SAR1B: variants seen among roughly 807,000 people sequenced by gnomAD.
SAR1B encodes the protein small COPII coat GTPase SAR1B.
Under a neutral mutation model 26.8 loss-of-function variants are expected in SAR1B, and 23 were observed. The ratio of observed to expected loss-of-function variants is 0.86; its 90% CI spans 0.62 to 1.22. SAR1B has a LOEUF of 1.22. Among genes scored for constraint, SAR1B ranks in the 50% most tolerant of loss-of-function variants. The pLI, the probability that SAR1B is intolerant of heterozygous loss-of-function variation, is 0.00. For missense variants in SAR1B, 196 were observed against 232.8 expected (o/e 0.84, Z 1.03); for synonymous variants, 65 against 80.8 (o/e 0.80, Z 1.05).
At chr5:134,617,112 G>C in intron 3 of SAR1B, among the ~76,000 whole-genome samples, 1 of 152,024 alleles carries the variant, frequency 6.6e-6, no homozygotes, top group African/African-American at 2.4e-5. Flanking sequence ...TGTGCCTGTA[G>C]TTCGAGCTAC....
chr5:134,621,388 G>A (rs943161802), intron 2 of SAR1B, among the ~76,000 whole-genome samples: 1 of 151,962 alleles, frequency 6.6e-6, no homozygotes, highest in Non-Finnish European at 1.5e-5. Flanking sequence ...GAGAATCACT[G>A]GAACCCAGGA....
At position 134,626,248 on chromosome 5, in the gene SAR1B, G is replaced by A. The variant is rs1025329242; in HGVS notation, c.-18-2211C>T. Among the ~76,000 whole-genome samples, 27 of 124,878 alleles carry A rather than the reference G, an allele frequency of 2.2e-4. 1 individual carries two copies. In the South Asian group the frequency reaches 5.4e-3, roughly 25 times the overall value. The allele number at this position is 124,878 out of a possible 152,430, so 81.9% of individuals were successfully genotyped here. A position where few individuals can be genotyped will look rare whatever the true frequency, so the allele number is the denominator to read the frequency against. The stretch of plus-strand genomic sequence containing the variant: ...CAGGAGGCAGAGGTTGCACTGAGCC[G>A]AGATCGAGCCACTGCACCACAGCCT... On this transcript the variant is annotated intron_variant, in intron 1 of 6. Coordinates refer to ENST00000402673, the MANE Select transcript of SAR1B (RefSeq NM_016103.4).
intron 3 of SAR1B, among the ~76,000 whole-genome samples, chr5:134,616,531 T>C (rs1386329695): frequency 6.6e-6 from 1 of 152,022 alleles, no homozygotes; most frequent in Non-Finnish European, 1.5e-5. Flanking sequence ...TCACTGTTCA[T>C]AAGGAAAAGA....
At chr5:134,610,806 A>C (rs1472983501) in intron 4 of SAR1B, among the ~76,000 whole-genome samples, 1 of 152,076 alleles carries the variant, frequency 6.6e-6, no homozygotes, top group African/African-American at 2.4e-5. Flanking sequence ...TTAATAATTA[A>C]CTGAAGTCTA....
chr5:134,624,295 G>T (rs940611559), intron 1 of SAR1B, among the ~76,000 whole-genome samples: 2 of 152,128 alleles, frequency 1.3e-5, no homozygotes, highest in African/African-American at 4.8e-5. Flanking sequence ...TGTAATCCCA[G>T]CTACTCAGGA....
intron 3 of SAR1B, among the ~76,000 whole-genome samples, chr5:134,615,073 G>C (rs1765284910): frequency 6.6e-6 from 1 of 152,196 alleles, no homozygotes; most frequent in African/African-American, 2.4e-5. Context: ...TGGGGGCCGG[G>C]CGCGGTGGCT....
chr5:134,620,898 A>G (rs1159738403), intron 3 of SAR1B, 35 bp downstream of exon 3: 1 of 1,612,042 alleles, frequency 6.2e-7, no homozygotes, highest in Non-Finnish European at 8.5e-7. Flanking sequence ...GCATCATTTG[A>G]TCAAGTATCA....
At chr5:134,609,055 T>C (rs1176942236) in intron 5 of SAR1B, 12 of 456,284 alleles carry the variant, frequency 2.6e-5, no homozygotes, top group Admixed American at 2.4e-4. Context: ...AATCAAATCA[T>C]GGACCTGCTT....
Position 134,603,274 on chromosome 5 carries a change from G to A in SAR1B, c.*3676C>T, listed in dbSNP as rs918422287. 1 of 152,188 alleles carries A rather than the reference G, an allele frequency of 6.6e-6. No individual in the cohort carries two copies. The highest frequency in any genetic ancestry group is 1.5e-5 in the Non-Finnish European group (1 of 68,042). 9.4% of individuals were successfully genotyped at this position (152,188 alleles called of 1,614,324 possible). On this transcript the variant is annotated 3_prime_UTR_variant, in exon 7 of 7. Coordinates refer to ENST00000402673, the MANE Select transcript of SAR1B (RefSeq NM_016103.4). Reference sequence around the variant, plus strand: ...ACTAACAAGACTGAAATACCACATTGAGTCACATACCAAATACAGTTTCAG... The same window carrying A: ...ACTAACAAGACTGAAATACCACATTAAGTCACATACCAAATACAGTTTCAG...
chr5:134,612,677 A>AAAAAAAAAAAAAAAAAAAAT lies in SAR1B; in HGVS notation c.244+13_244+14insATTTTTTTTTTTTTTTTTTT, dbSNP rs1765237131. On this transcript the variant is annotated intron_variant, in intron 4 of 6. Transcript: ENST00000402673. ...AAAAAAAAAAAAAAAAAAAAAAAAAAAAAAGAATCTTACCTTGAACATGTC... is the reference window on the plus strand; with the variant it reads ...AAAAAAAAAAAAAAAAAAAAAAAAAAAAAAAAAAAAAAAAAAAAATAAAAGAATCTTACCTTGAACATGTC... The AAAAAAAAAAAAAAAAAAAAT allele has an allele frequency of 9.5e-7, 1 of 1,055,542 alleles. No individual in the cohort carries two copies. The highest frequency in any genetic ancestry group is 1.3e-6 in the Non-Finnish European group (1 of 762,974). The allele number at this position is 1,055,542 out of a possible 1,614,324, so 65.4% of individuals were successfully genotyped here. A position where few individuals can be genotyped will look rare whatever the true frequency, so the allele number is the denominator to read the frequency against.
chr5:134,630,119 G>A (rs1013591434), intron 1 of SAR1B, among the ~76,000 whole-genome samples: 3 of 151,676 alleles, frequency 2.0e-5, no homozygotes, highest in Middle Eastern at 3.2e-3. Context: ...TAAAGTGAGC[G>A]AGCGTAGAAA....
chr5:134,627,371 A>G (rs1561789914), intron 1 of SAR1B, among the ~76,000 whole-genome samples: 1 of 150,690 alleles, frequency 6.6e-6, no homozygotes, highest in Non-Finnish European at 1.5e-5. Context: ...TTTTTGACAG[A>G]GTCTCCCTCT....
At chr5:134,621,482 AT>A (rs1201400841) in intron 2 of SAR1B, among the ~76,000 whole-genome samples, 1 of 10,500 alleles carries the variant, frequency 9.5e-5, no homozygotes, top group Non-Finnish European at 7.8e-4. Context: ...CAAAAAATAA[AT>A]AAATAAATAA....
intron 1 of SAR1B, among the ~76,000 whole-genome samples, chr5:134,627,631 T>C (rs2150056518): frequency 6.7e-6 from 1 of 149,114 alleles, no homozygotes; most frequent in South Asian, 2.1e-4. Flanking sequence ...ACCCCGTCTC[T>C]ACCAAAAATA....
chr5:134,610,724 ACT>A (rs1765198809), intron 4 of SAR1B, among the ~76,000 whole-genome samples: 1 of 151,912 alleles, frequency 6.6e-6, no homozygotes. Context: ...ACAGAACCAG[ACT>A]CTGTTTCAAA....
At position 134,605,534 on chromosome 5, in the gene SAR1B, G is replaced by C. The variant is rs1007481838; in HGVS notation, c.*1416C>G. The stretch of plus-strand genomic sequence containing the variant: ...AAAAACAAAAGTCAGGTCAGGCATG[G>C]TAGCTCACGCCTATAATCCCAGAAC... On this transcript the variant is annotated 3_prime_UTR_variant, in exon 7 of 7. Coordinates refer to ENST00000402673, the MANE Select transcript of SAR1B (RefSeq NM_016103.4). 1.3e-5 allele frequency: 2 copies of C among 152,036 alleles called. No homozygotes were observed. Among genetic ancestry groups the C allele is most frequent in the African/African-American group, 2.4e-5 (1 of 41,482 alleles). The allele number at this position is 152,036 out of a possible 1,614,324, so 9.4% of individuals were successfully genotyped here.
chr5:134,608,318 A>G, intron 6 of SAR1B, 54 bp downstream of exon 6: 1 of 1,491,348 alleles, frequency 6.7e-7, no homozygotes, highest in Non-Finnish European at 9.1e-7. Flanking sequence ...ATTTAAGAAG[A>G]CATTTGTACT....
At chr5:134,614,164 AAAAAGAAATTTTCATTTC>A (rs1561785469) in intron 3 of SAR1B, 1 of 152,208 alleles carries the variant, frequency 6.6e-6, no homozygotes, top group Non-Finnish European at 1.5e-5. Context: ...AAGAAAGAAA[AAAAAGAAATTTTCATTTC>A]AAATACTGTA....
intron 1 of SAR1B, among the ~76,000 whole-genome samples, chr5:134,630,861 TC>T (rs1293827449): frequency 6.7e-6 from 1 of 150,264 alleles, no homozygotes; most frequent in Non-Finnish European, 1.5e-5. Context: ...GCAATGATTT[TC>T]ATTTCCTTTT....
Sources: gnomAD v4.1 joint callset for allele counts (sites outside exome capture counted in the v4.1 genomes callset) on GRCh38, gnomAD v4.1.1 for gene constraint, MANE v1.5 for transcripts, NCBI Gene and HGNC (gene_info 2026-07-23, HGNC 2026-07-21) for gene names.